CSRP1: variants seen among roughly 807,000 people sequenced by gnomAD.
CSRP1 encodes the protein cysteine and glycine-rich protein 1.
A neutral mutation model predicts 25.4 loss-of-function variants in CSRP1; 16 were observed. The ratio of observed to expected loss-of-function variants is 0.63; its 90% CI spans 0.43 to 0.96. CSRP1 has a LOEUF of 0.96. Among genes scored for constraint, CSRP1 ranks in the 40% least tolerant of loss-of-function variants. The pLI is 0.00. For synonymous variants in CSRP1, 97 were observed against 95.3 expected (o/e 1.02, Z -0.10); for missense variants, 212 against 243.6 (o/e 0.87, Z 0.86).
chr1:201,497,778 G>A (rs926598583), intron 1 of CSRP1, among the ~76,000 whole-genome samples: 2 of 152,184 alleles, frequency 1.3e-5, no homozygotes, highest in African/African-American at 4.8e-5. Flanking sequence ...TTGGGAGGCT[G>A]AGGTGGGCAG....
At chr1:201,496,013 C>T in intron 2 of CSRP1, 179 bp downstream of exon 2, 1 of 581,200 alleles carries the variant, frequency 1.7e-6, no homozygotes, top group Non-Finnish European at 3.0e-6. Context: ...TAGAAAGAAG[C>T]TTCTGAACGG....
At chr1:201,494,863 T>C (rs1367116920) in intron 2 of CSRP1, among the ~76,000 whole-genome samples, 1 of 152,246 alleles carries the variant, frequency 6.6e-6, no homozygotes, top group Non-Finnish European at 1.5e-5. Flanking sequence ...TGTGCGCATG[T>C]GTGTGTGCAT....
At chr1:201,489,357 GAAAC>G (rs1399204780) in intron 3 of CSRP1, 1 of 175,060 alleles carries the variant, frequency 5.7e-6, no homozygotes, top group Non-Finnish European at 1.2e-5. Flanking sequence ...GACCTTGGCT[GAAAC>G]TTGGTAATTC....
chr1:201,488,880 G>A lies in CSRP1; in HGVS notation c.386C>T (p.Ala129Val), dbSNP rs760988527. ...CPRCSQAVYA[A>V]EKVIGAGKSW... ...CTTCCCAGCACCAATCACCTTCTCC[G>A]CAGCATAGACTGCCTGGCTGCATCG... The change falls in exon 4 of 6, where the codon GCG becomes GTG. Residue 129 changes from alanine to valine, a missense_variant. Transcript: ENST00000340006. 10 of 1,613,888 alleles carry A rather than the reference G, an allele frequency of 6.2e-6. No individual in the cohort carries two copies. The highest frequency in any genetic ancestry group is 3.3e-5 in the Admixed American group (2 of 59,990).
At chr1:201,487,005 C>G (rs1168605655) in intron 4 of CSRP1, 1 of 1,298,430 alleles carries the variant, frequency 7.7e-7, no homozygotes, top group Admixed American at 2.3e-5. Flanking sequence ...ATTGTGACCT[C>G]AAAATAATCC....
chr1:201,502,624 C>A (rs1664704060), intron 1 of CSRP1, among the ~76,000 whole-genome samples: 1 of 152,216 alleles, frequency 6.6e-6, no homozygotes, highest in Non-Finnish European at 1.5e-5. Flanking sequence ...AAAAGGTAAC[C>A]AGCATCACTG....
intron 1 of CSRP1, among the ~76,000 whole-genome samples, chr1:201,502,802 GC>G (rs1664708521): frequency 6.6e-6 from 1 of 152,000 alleles, no homozygotes; most frequent in Admixed American, 6.6e-5. Context: ...TTCCCCACTT[GC>G]CCCCAGTGCC....
intron 1 of CSRP1, among the ~76,000 whole-genome samples, chr1:201,496,891 G>A (rs984050816): frequency 2.0e-5 from 3 of 152,192 alleles, no homozygotes; most frequent in African/African-American, 4.8e-5. Context: ...CAGGGAGGCT[G>A]GTAAGGCACT....
intron 1 of CSRP1, among the ~76,000 whole-genome samples, chr1:201,503,698 C>T (rs2102417051): frequency 6.6e-6 from 1 of 152,272 alleles, no homozygotes; most frequent in East Asian, 1.9e-4. Flanking sequence ...TGGGTAGCTG[C>T]GTAGTACAGG....
chr1:201,490,252 TG>T lies in CSRP1; in HGVS notation c.204del (p.Gly70AlafsTer63). ...CKSCYGKKYG[P>X]KGYGYGQGAG... ...GCGCCCTGCCCGTAGCCATAGCCTT[TG>T]GGCCCATACTTCTTGCCGTAGCAGG... On this transcript the variant is annotated frameshift_variant, in exon 3 of 6. Coordinates refer to ENST00000340006, the MANE Select transcript of CSRP1 (RefSeq NM_004078.3). LOFTEE classifies it high-confidence loss of function. 6.2e-7 allele frequency: 1 copy of T among 1,614,162 alleles called. No individual in the cohort carries two copies. The highest frequency in any genetic ancestry group is 1.1e-5 in the South Asian group (1 of 91,078).
In CSRP1 at chr1:201,489,450, AG is replaced by A. The variant is rs541812432; in HGVS notation, c.282-467del. ...AACAGCCACCATTTACCCAGAGGCC[AG>A]GGAGTGCCGTGGGGTGAGGGGGGTG... is the stretch of plus-strand genomic sequence containing the variant. On this transcript the variant is annotated intron_variant, in intron 3 of 5. Transcript: ENST00000340006. 206 of 180,320 alleles carry A rather than the reference AG, an allele frequency of 1.1e-3. 1 individual carries two copies. Among genetic ancestry groups the A allele is most frequent in the African/African-American group, 4.7e-3 (197 of 42,278 alleles). 11.2% of individuals were successfully genotyped at this position (180,320 alleles called of 1,614,324 possible). A position where few individuals can be genotyped will look rare whatever the true frequency, so the allele number is the denominator to read the frequency against.
chr1:201,484,427 C>T lies in CSRP1; in HGVS notation c.*286G>A. The T allele has an allele frequency of 1.9e-6, 1 of 532,734 alleles. No homozygotes were observed. The highest frequency in any genetic ancestry group is 3.2e-5 in the Admixed American group (1 of 31,708). 33.0% of individuals were successfully genotyped at this position (532,734 alleles called of 1,614,324 possible). ...GCAGCACAGGAGGCTAAGAACAGAG[C>T]TCTGTGGGGCGAGGTGTGGGGAGAG... is the stretch of plus-strand genomic sequence containing the variant. On this transcript the variant is annotated 3_prime_UTR_variant, in exon 6 of 6. Coordinates refer to ENST00000340006, the MANE Select transcript of CSRP1 (RefSeq NM_004078.3).
rs79952682 is a variant in CSRP1 at position 201,505,240 on chromosome 1, C to T, written c.-2+1830G>A. Among the ~76,000 whole-genome samples the T allele has an allele frequency of 6.0e-4, 92 of 152,300 alleles. 1 individual carries two copies. The East Asian group carries it at 0.015, about 24-fold the overall frequency. On this transcript the variant is annotated intron_variant, in intron 1 of 5. Transcript: ENST00000340006. ...CCCGTAGGCCAACTCAGCTGAAAGA[C>T]CATTGCTACCCCACTCATTCATCAA... is the stretch of plus-strand genomic sequence containing the variant.
chr1:201,502,980 CAA>C (rs3029388), intron 1 of CSRP1, among the ~76,000 whole-genome samples: 66,567 of 142,722 alleles, frequency 0.47, 16,573 homozygotes, highest in Non-Finnish European at 0.6. Flanking sequence ...ACTAAATATA[CAA>C]AAAAAAAAAA....
In CSRP1 at chr1:201,496,184, G is replaced by A. The variant is rs202032834; in HGVS notation, c.112+8C>T. 5.2e-5 allele frequency: 84 copies of A among 1,609,908 alleles called. No homozygotes were observed. In the East Asian group the frequency reaches 1.2e-3, roughly 22 times the overall value. ...AGGCAACAGCAATAGGGCCTGGGGCGTACTCACTGCACAGGAAGCAGGATT... is the reference window on the plus strand; with the variant it reads ...AGGCAACAGCAATAGGGCCTGGGGCATACTCACTGCACAGGAAGCAGGATT... On this transcript the variant is annotated splice_region_variant and intron_variant, in intron 2 of 5. Coordinates refer to ENST00000340006, the MANE Select transcript of CSRP1 (RefSeq NM_004078.3).
chr1:201,500,784 C>T (rs1325637131), intron 1 of CSRP1, among the ~76,000 whole-genome samples: 1 of 152,248 alleles, frequency 6.6e-6, no homozygotes, highest in Non-Finnish European at 1.5e-5. Context: ...TTCTCTCCAA[C>T]AGCCAAATTC....
chr1:201,489,081 A>C, intron 3 of CSRP1, 97 bp from the exon 4 acceptor site: 2 of 1,505,808 alleles, frequency 1.3e-6, no homozygotes, highest in South Asian at 1.2e-5. Context: ...CTCATGCCAG[A>C]GCAGCGCGCA....
chr1:201,506,441 A>G lies in CSRP1; in HGVS notation c.-2+629T>C, dbSNP rs78454982. On this transcript the variant is annotated intron_variant, in intron 1 of 5. Transcript: ENST00000340006. ...CAGAGGGCTGATTGTTAGCTAACACATTGTGATTTGCTTTAAATGTGCTCA... is the reference window on the plus strand; with the variant it reads ...CAGAGGGCTGATTGTTAGCTAACACGTTGTGATTTGCTTTAAATGTGCTCA... 2.5e-4 allele frequency among the ~76,000 whole-genome samples: 38 copies of G among 152,336 alleles called. No homozygotes were observed. The East Asian group carries it at 6.9e-3, about 28-fold the overall frequency.
intron 1 of CSRP1, among the ~76,000 whole-genome samples, chr1:201,505,947 G>C (rs1664811799): frequency 6.6e-6 from 1 of 152,226 alleles, no homozygotes; most frequent in Non-Finnish European, 1.5e-5. Flanking sequence ...CAAGGGATGA[G>C]GGGAGGACAA....
Sources: allele counts gnomAD v4.1 joint callset (sites outside exome capture counted in the v4.1 genomes callset), GRCh38; gene constraint gnomAD v4.1.1; transcripts MANE v1.5; gene names NCBI Gene and HGNC (gene_info 2026-07-23, HGNC 2026-07-21).